Variants in EPHX2 observed in about 807,000 individuals in gnomAD.
EPHX2 encodes bifunctional epoxide hydrolase 2.
A neutral mutation model predicts 78.7 loss-of-function variants in EPHX2; 74 were observed. The observed-to-expected ratio is 0.94, with a 90% CI of 0.78 to 1.14. EPHX2 has a LOEUF of 1.14. EPHX2 is among the 50% of genes most tolerant of loss of function. EPHX2 has a pLI of 0.00. For missense variants in EPHX2, 715 were observed against 702.5 expected (o/e 1.02, Z -0.20); for synonymous variants, 251 against 255.2 (o/e 0.98, Z 0.16).
At chr8:27,508,257 C>A (rs150139235) in intron 5 of EPHX2, among the ~76,000 whole-genome samples, 1 of 152,158 alleles carries the variant, frequency 6.6e-6, no homozygotes, top group Non-Finnish European at 1.5e-5. Context: ...GATTCAAGAT[C>A]GTGCTACTGC....
chr8:27,491,343 C>G, intron 1 of EPHX2, 34 bp downstream of exon 1: 2 of 1,423,450 alleles, frequency 1.4e-6, no homozygotes, highest in Non-Finnish European at 1.8e-6. Flanking sequence ...CGCAGTGGGT[C>G]GGGGCCTCAG....
In EPHX2 at chr8:27,518,094, A is replaced by T. The variant is rs754451478; in HGVS notation, c.945+22A>T. 4 of 1,591,958 alleles carry T rather than the reference A, an allele frequency of 2.5e-6. No individual in the cohort carries two copies. The South Asian group carries it at 4.6e-5, about 18-fold the overall frequency. On this transcript the variant is annotated intron_variant, in intron 9 of 18. Transcript: ENST00000521400. ...TAAGGTAAGAAGAATCTTGGGTAAC[A>T]TCTTCCCCATCCTGCGATTTTTGTT...
chr8:27,538,864 C>A, intron 14 of EPHX2, 172 bp downstream of exon 14: 1 of 668,578 alleles, frequency 1.5e-6, no homozygotes. Context: ...CAGGCCTGAG[C>A]ACACAGCCTG....
chr8:27,525,107 T>TGTGTGTGCGCGCGCGCGC (rs1491544464), intron 11 of EPHX2, among the ~76,000 whole-genome samples: 1 of 103,456 alleles, frequency 9.7e-6, no homozygotes, highest in African/African-American at 3.6e-5. Context: ...TGTGTGTGTG[T>TGTGTGTGCGCGCGCGCGC]GCGCGCGCGC....
At chr8:27,516,285 G>T in intron 7 of EPHX2, 35 bp from the exon 8 acceptor site, 1 of 1,595,424 alleles carries the variant, frequency 6.3e-7, no homozygotes, top group South Asian at 1.1e-5. Context: ...TAGGACTGAT[G>T]GGACCATGCT....
chr8:27,531,835 T>G (rs1815051674), intron 12 of EPHX2, among the ~76,000 whole-genome samples: 1 of 152,026 alleles, frequency 6.6e-6, no homozygotes, highest in African/African-American at 2.4e-5. Context: ...CCTGGGATGG[T>G]GGAGGGGAGC....
intron 14 of EPHX2, among the ~76,000 whole-genome samples, chr8:27,539,570 C>T (rs4149254): frequency 0.078 from 11,402 of 146,060 alleles, 502 homozygotes; most frequent in East Asian, 0.17. Context: ...TCCTTCACAC[C>T]GTCTGTCACT....
At chr8:27,524,113 A>C (rs1814744112) in intron 11 of EPHX2, among the ~76,000 whole-genome samples, 1 of 152,058 alleles carries the variant, frequency 6.6e-6, no homozygotes, top group Non-Finnish European at 1.5e-5. Flanking sequence ...TTGTATTTTT[A>C]GTAGAGATGA....
At chr8:27,501,097 A>T (rs1479793720) in intron 2 of EPHX2, 87 bp downstream of exon 2, 1 of 1,112,616 alleles carries the variant, frequency 9.0e-7, no homozygotes, top group Non-Finnish European at 1.3e-6. Context: ...CCACCATAAT[A>T]GAAAACACCC....
intron 9 of EPHX2, 46 bp from the exon 10 acceptor site, chr8:27,520,837 G>C (rs2244330): frequency 6.8e-6 from 11 of 1,613,682 alleles, no homozygotes; most frequent in Non-Finnish European, 7.6e-6. Context: ...GGCTGAGGCA[G>C]GCGGGTGTGG....
chr8:27,542,371 A>T (rs1815429697), intron 16 of EPHX2, among the ~76,000 whole-genome samples: 1 of 152,176 alleles, frequency 6.6e-6, no homozygotes, highest in African/African-American at 2.4e-5. Context: ...CCTCTGATCC[A>T]CTGTGGCTTC....
chr8:27,542,094 C>A (rs1815421750), intron 16 of EPHX2, among the ~76,000 whole-genome samples: 1 of 152,020 alleles, frequency 6.6e-6, no homozygotes, highest in Non-Finnish European at 1.5e-5. Context: ...ATCTGTTCCC[C>A]AGTGTGACTG....
At chr8:27,522,962 CAAAAA>C (rs539360462) in intron 11 of EPHX2, among the ~76,000 whole-genome samples, 2 of 62,678 alleles carry the variant, frequency 3.2e-5, no homozygotes, top group African/African-American at 1.2e-4. Context: ...ACTCCGTTTC[CAAAAA>C]AAAAAAAAAA....
chr8:27,520,859 G>A, intron 9 of EPHX2, 24 bp from the exon 10 acceptor site: 1 of 1,614,226 alleles, frequency 6.2e-7, no homozygotes, highest in Non-Finnish European at 8.5e-7. Context: ...TGCTGATTTT[G>A]CCTGTGTGTG....
Position 27,515,621 on chromosome 8 carries a change from C to T in EPHX2, c.736-97C>T, listed in dbSNP as rs780958679. ...ATCTGGGTCATGCACAATCCAGCAACGGACTGAAACGGCCCTGGCATTCTG... is the reference window on the plus strand; with the variant it reads ...ATCTGGGTCATGCACAATCCAGCAATGGACTGAAACGGCCCTGGCATTCTG... On this transcript the variant is annotated intron_variant, in intron 6 of 18. Coordinates refer to ENST00000521400, the MANE Select transcript of EPHX2 (RefSeq NM_001979.6). The T allele has an allele frequency of 8.1e-5, 78 of 962,876 alleles. 1 individual carries two copies. The highest frequency in any genetic ancestry group is 2.9e-4 in the Admixed American group (14 of 48,546). 59.6% of individuals were successfully genotyped at this position (962,876 alleles called of 1,614,324 possible).
intron 1 of EPHX2, among the ~76,000 whole-genome samples, chr8:27,497,686 A>T (rs915994142): frequency 3.9e-5 from 6 of 152,206 alleles, no homozygotes; most frequent in East Asian, 1.9e-4. Context: ...GAGTCAGGTG[A>T]CAGGGGAGTA....
At chr8:27,507,199 G>C (rs1814044339) in intron 5 of EPHX2, among the ~76,000 whole-genome samples, 1 of 152,214 alleles carries the variant, frequency 6.6e-6, no homozygotes, top group African/African-American at 2.4e-5. Flanking sequence ...TCAGTGAACA[G>C]GGAGACAAGA....
chr8:27,526,791 T>C (rs1189213944), intron 12 of EPHX2, among the ~76,000 whole-genome samples: 1 of 152,076 alleles, frequency 6.6e-6, no homozygotes, highest in African/African-American at 2.4e-5. Flanking sequence ...ACTCTGTCAC[T>C]CAGGCTGGAG....
Position 27,506,943 on chromosome 8 carries a change from C to T in EPHX2, c.609C>T (p.Val203=), listed in dbSNP as rs149711293. 2.7e-5 allele frequency: 43 copies of T among 1,614,090 alleles called. No homozygotes were observed. The highest frequency in any genetic ancestry group is 3.6e-5 in the Non-Finnish European group (43 of 1,180,022). The change falls in exon 5 of 19, where the codon GTC becomes GTT. Residue 203 remains valine, a synonymous_variant. Transcript: ENST00000521400. ...ARDLGMVTIL[V]QDTDTALKEL... is the part of the protein sequence containing the mutation. The stretch of plus-strand genomic sequence containing the variant: ...ACTTGGGAATGGTCACCATCCTGGT[C>T]CAGGACACTGACACGGCCCTGAAAG...
Sources: gnomAD v4.1 joint callset for allele counts (sites outside exome capture counted in the v4.1 genomes callset) on GRCh38, gnomAD v4.1.1 for gene constraint, MANE v1.5 for transcripts, NCBI Gene and HGNC (gene_info 2026-07-23, HGNC 2026-07-21) for gene names.